BCL2: variants seen among roughly 807,000 people sequenced by gnomAD.
BCL2 encodes BCL2 apoptosis regulator.
A neutral mutation model predicts 14.2 loss-of-function variants in BCL2; 1 was observed. The ratio of observed to expected loss-of-function variants is 0.07; its 90% CI spans 0.02 to 0.33. The LOEUF (loss-of-function observed/expected upper bound fraction) is 0.33. Ranked by LOEUF, BCL2 falls within the 10% of genes least tolerant of loss-of-function variation. The pLI is 0.99. For missense variants in BCL2, 247 were observed against 305.9 expected (o/e 0.81, Z 1.44); for synonymous variants, 151 against 137.2 (o/e 1.10, Z -0.70).
chr18:63,194,225 T>C lies in BCL2; in HGVS notation c.586-65466A>G, dbSNP rs1350982785. ...CTCAATAAATAGCCATTGAATGAAA[T>C]GAATGAATGGGAAGTTACACTGGAA... On this transcript the variant is annotated intron_variant, in intron 2 of 2. Coordinates refer to ENST00000333681, the MANE Select transcript of BCL2 (RefSeq NM_000633.3). Among the ~76,000 whole-genome samples, 4 of 152,168 alleles carry C rather than the reference T, an allele frequency of 2.6e-5. No individual in the cohort carries two copies. In the East Asian group the frequency reaches 5.8e-4, roughly 22 times the overall value.
intron 2 of BCL2, among the ~76,000 whole-genome samples, chr18:63,191,201 C>T (rs573608963): frequency 1.1e-3 from 166 of 152,244 alleles, no homozygotes; most frequent in African/African-American, 3.9e-3. Flanking sequence ...GATTTATATT[C>T]CTTTGGGTAT....
chr18:63,279,973 G>A (rs1164926572), intron 2 of BCL2, among the ~76,000 whole-genome samples: 3 of 152,198 alleles, frequency 2.0e-5, no homozygotes, highest in Admixed American at 2.0e-4. Flanking sequence ...GGCTATGATT[G>A]TCAGGGGACA....
At chr18:63,281,256 G>A (rs746575997) in intron 2 of BCL2, among the ~76,000 whole-genome samples, 5 of 152,110 alleles carry the variant, frequency 3.3e-5, no homozygotes, top group Non-Finnish European at 5.9e-5. Flanking sequence ...GGTGGTGATG[G>A]ATGCATGACA....
chr18:63,164,613 G>A (rs1057088437), intron 2 of BCL2, among the ~76,000 whole-genome samples: 2 of 152,196 alleles, frequency 1.3e-5, no homozygotes, highest in Non-Finnish European at 2.9e-5. Flanking sequence ...GCCCTGCCCA[G>A]ACCAGTGTCT....
intron 2 of BCL2, among the ~76,000 whole-genome samples, chr18:63,173,939 A>G (rs1915289526): frequency 6.6e-6 from 1 of 152,232 alleles, no homozygotes; most frequent in Non-Finnish European, 1.5e-5. Flanking sequence ...ATTTCAGTAT[A>G]GAAAGGGTTT....
chr18:63,243,283 G>T (rs954218903), intron 2 of BCL2, among the ~76,000 whole-genome samples: 2 of 152,172 alleles, frequency 1.3e-5, no homozygotes, highest in Non-Finnish European at 2.9e-5. Context: ...AATACTGCAT[G>T]TTCTTACTTA....
At chr18:63,285,830 G>C (rs1387258337) in intron 2 of BCL2, among the ~76,000 whole-genome samples, 2 of 152,210 alleles carry the variant, frequency 1.3e-5, no homozygotes, top group African/African-American at 4.8e-5. Context: ...ACTTGATTTA[G>C]CAAGCATGTC....
intron 2 of BCL2, chr18:63,302,621 T>C: frequency 1.0e-6 from 1 of 985,214 alleles, no homozygotes. Context: ...GAAGAGTGAC[T>C]TATTCTGCAC....
chr18:63,155,764 T>C (rs994938026), intron 2 of BCL2, among the ~76,000 whole-genome samples: 1 of 152,154 alleles, frequency 6.6e-6, no homozygotes, highest in African/African-American at 2.4e-5. Context: ...ACTCTGCCAA[T>C]TGCAGGCCCT....
intron 2 of BCL2, among the ~76,000 whole-genome samples, chr18:63,151,694 G>T (rs1157265072): frequency 6.6e-6 from 1 of 152,188 alleles, no homozygotes; most frequent in African/African-American, 2.4e-5. Context: ...ATAGTTCTCA[G>T]TCATGTTGGT....
intron 2 of BCL2, among the ~76,000 whole-genome samples, chr18:63,157,932 TTTTTC>T (rs896998879): frequency 1.3e-5 from 2 of 152,154 alleles, no homozygotes; most frequent in Middle Eastern, 3.2e-3. Flanking sequence ...CCAAACATTC[TTTTTC>T]TTTTCTTTTC....
At position 63,192,049 on chromosome 18, in the gene BCL2, C is replaced by T. The variant is rs555900153; in HGVS notation, c.586-63290G>A. Among the ~76,000 whole-genome samples the T allele has an allele frequency of 2.0e-4, 30 of 152,258 alleles. No homozygotes were observed. The South Asian group carries it at 5.0e-3, about 25-fold the overall frequency. ...CTCACCTAGGGCTTGGGAGCACTGT[C>T]GGGACTATGACAGGCATGGTCCCTG... On this transcript the variant is annotated intron_variant, in intron 2 of 2. Transcript: ENST00000333681.
intron 2 of BCL2, among the ~76,000 whole-genome samples, chr18:63,284,937 A>T (rs138553283): frequency 3.2e-4 from 48 of 152,310 alleles, no homozygotes; most frequent in African/African-American, 1.2e-3. Flanking sequence ...GCTCCACTCC[A>T]GCAAGGGCAG....
intron 2 of BCL2, among the ~76,000 whole-genome samples, chr18:63,189,663 C>T (rs1282387178): frequency 5.3e-5 from 8 of 152,056 alleles, no homozygotes; most frequent in East Asian, 1.9e-4. Flanking sequence ...CCCAGATTGC[C>T]GAATTATACC....
chr18:63,139,377 C>T (rs1325797815), intron 2 of BCL2, among the ~76,000 whole-genome samples: 1 of 152,210 alleles, frequency 6.6e-6, no homozygotes, highest in African/African-American at 2.4e-5. Context: ...TCTATATGAC[C>T]TTGAAATCTC....
chr18:63,198,755 ACACAC>A (rs1909557169), intron 2 of BCL2, among the ~76,000 whole-genome samples: 2 of 149,032 alleles, frequency 1.3e-5, no homozygotes, highest in African/African-American at 2.5e-5. Flanking sequence ...ACACACAGAC[ACACAC>A]TGACACAGAG....
At chr18:63,297,128 G>T (rs1912820451) in intron 2 of BCL2, among the ~76,000 whole-genome samples, 1 of 152,046 alleles carries the variant, frequency 6.6e-6, no homozygotes, top group Non-Finnish European at 1.5e-5. Context: ...CAGGAGAATG[G>T]CATGAACCCT....
intron 2 of BCL2, among the ~76,000 whole-genome samples, chr18:63,204,728 C>T (rs1448302054): frequency 6.6e-6 from 1 of 152,034 alleles, no homozygotes; most frequent in Admixed American, 6.6e-5. Flanking sequence ...CGATGCAATA[C>T]TAGGAAGTAT....
At chr18:63,273,877 T>C (rs1912073700) in intron 2 of BCL2, among the ~76,000 whole-genome samples, 1 of 152,118 alleles carries the variant, frequency 6.6e-6, no homozygotes, top group Non-Finnish European at 1.5e-5. Context: ...GCATCTCAGA[T>C]CAAATTAATA....
Sources: gnomAD v4.1 joint callset for allele counts (sites outside exome capture counted in the v4.1 genomes callset) on GRCh38, gnomAD v4.1.1 for gene constraint, MANE v1.5 for transcripts, NCBI Gene and HGNC (gene_info 2026-07-23, HGNC 2026-07-21) for gene names.